The following MOV10 variants were observed in gnomAD, a reference collection of about 807,000 sequenced individuals.
MOV10 encodes the protein RNA helicase MOV-10.
MOV10 carries 39 observed loss-of-function variants against 108.4 expected under a neutral mutation model. That is an observed-to-expected ratio of 0.36 (90% CI 0.28 to 0.47). The LOEUF is 0.47. MOV10 is among the 20% of genes least tolerant of loss of function. The probability of loss-of-function intolerance (pLI) is 1.00; values close to 1 mark genes in which losing one functional copy is unlikely to be tolerated. For missense variants in MOV10, 952 were observed against 1,297.6 expected (o/e 0.73, Z 4.09); for synonymous variants, 490 against 523.1 (o/e 0.94, Z 0.86).
In MOV10 at chr1:112,700,557, T is replaced by G. The variant is rs1674559882; in HGVS notation, c.*50T>G. ...ACCAGCCAAGCCTTAACTGCCTGCC[T>G]GACCCTGAACCAGAACCCAGCTGAA... is the stretch of plus-strand genomic sequence containing the variant. On this transcript the variant is annotated 3_prime_UTR_variant, in exon 21 of 21. Coordinates refer to ENST00000369645, the MANE Select transcript of MOV10 (RefSeq NM_001321324.2). 1 of 1,603,610 alleles carries G rather than the reference T, an allele frequency of 6.2e-7. No individual in the cohort carries two copies. The highest frequency in any genetic ancestry group is 8.5e-7 in the Non-Finnish European group (1 of 1,174,788).
chr1:112,683,462 G>C (rs182379782), intron 2 of MOV10, among the ~76,000 whole-genome samples: 139 of 152,286 alleles, frequency 9.1e-4, no homozygotes, highest in African/African-American at 3.0e-3. Context: ...ATGGAGTGCA[G>C]TGGCACAATT....
intron 3 of MOV10, 70 bp from the exon 4 acceptor site, chr1:112,689,345 C>T: frequency 6.8e-7 from 1 of 1,466,956 alleles, no homozygotes. Flanking sequence ...AAGCCTAAAG[C>T]TTTCCCCAGG....
At position 112,694,595 on chromosome 1, in the gene MOV10, G is replaced by A; in HGVS notation, c.1438G>A (p.Asp480Asn). The change falls in exon 9 of 21, where the codon GAC (aspartate) becomes AAC (asparagine). Residue 480 changes from aspartate (D) to asparagine (N), a missense_variant. Transcript: ENST00000369645. The surrounding 1 kb of genome is among the most constrained non-coding windows in gnomAD (Gnocchi z 4.1). ...WPMLFPVAPR[D>N]VPLLPSDVKL... ...CATGCTCTTTCCTGTGGCACCTCGG[G>A]ACGTCCCGCTGCTGCCCTCAGATGT... The A allele has an allele frequency of 1.2e-6, 2 of 1,611,206 alleles. No homozygotes were observed. The highest frequency in any genetic ancestry group is 1.7e-6 in the Non-Finnish European group (2 of 1,178,314).
At chr1:112,678,161 G>T (rs1355647157) in intron 2 of MOV10, among the ~76,000 whole-genome samples, 4 of 152,054 alleles carry the variant, frequency 2.6e-5, no homozygotes, top group Non-Finnish European at 5.9e-5. Flanking sequence ...TTCTCTCGGG[G>T]TTGTGAGAGA....
chr1:112,696,504 A>C lies in MOV10; in HGVS notation c.1951A>C (p.Met651Leu), dbSNP rs774806375. Residue 651 changes from methionine to leucine, a missense_variant, in exon 13 of 21, where the codon ATG becomes CTG. Physicochemically the swap from Met to Leu is conservative, Grantham distance 15. Transcript: ENST00000369645. ...CTTCATCGATGAGGCTGGCCACTGC[A>C]TGGAGCCTGAGAGTCTGGTAGCTAT... is the stretch of plus-strand genomic sequence containing the variant. ...HIFIDEAGHCMEPESLVAIAG... is the reference protein window; with the variant it reads ...HIFIDEAGHCLEPESLVAIAG... 2.5e-6 allele frequency: 4 copies of C among 1,614,004 alleles called. No homozygotes were observed. The highest frequency in any genetic ancestry group is 3.4e-6 in the Non-Finnish European group (4 of 1,179,980).
chr1:112,689,389 C>A (rs747148132), intron 3 of MOV10, 26 bp from the exon 4 acceptor site: 3 of 1,288,932 alleles, frequency 2.3e-6, no homozygotes, highest in East Asian at 2.3e-5. Context: ...CCACCCCAAC[C>A]CCCCCTTGAC....
At chr1:112,684,262 A>ATTTT (rs71084487) in intron 2 of MOV10, among the ~76,000 whole-genome samples, 19 of 93,804 alleles carry the variant, frequency 2.0e-4, no homozygotes, top group African/African-American at 4.7e-4. Context: ...AGTCCCTGGG[A>ATTTT]TTTTTTTTTT....
In MOV10 at chr1:112,676,041, T is replaced by C. The variant is rs146383099; in HGVS notation, c.137+992T>C. Among the ~76,000 whole-genome samples the C allele has an allele frequency of 6.2e-3, 938 of 152,286 alleles. 3 individuals carry two copies. Among genetic ancestry groups the C allele is most frequent in the Non-Finnish European group, 9.9e-3 (675 of 68,018 alleles). On this transcript the variant is annotated intron_variant, in intron 2 of 20. Transcript: ENST00000369645. ...GGGTGGGGGAAAAGGGTAGAGACTC[T>C]CCATATTGGTGAAATCGTGTCTGGA...
At position 112,691,801 on chromosome 1, in the gene MOV10, T is replaced by C; in HGVS notation, c.971+2T>C. On this transcript the variant is annotated splice_donor_variant, in intron 6 of 20. Coordinates refer to ENST00000369645, the MANE Select transcript of MOV10 (RefSeq NM_001321324.2). LOFTEE classifies it high-confidence loss of function. ...CCCTAAGGAGATCGCAGAGATCAAG[T>C]AAGTACCATCCCTCTGCACCCCGCA... 1 of 1,612,518 alleles carries C rather than the reference T, an allele frequency of 6.2e-7. No individual in the cohort carries two copies. Among genetic ancestry groups the C allele is most frequent in the East Asian group, 2.2e-5 (1 of 44,824 alleles).
chr1:112,687,938 C>T (rs1409310885), intron 2 of MOV10, among the ~76,000 whole-genome samples: 1 of 152,168 alleles, frequency 6.6e-6, no homozygotes, highest in Non-Finnish European at 1.5e-5. Context: ...GCGTACCTCT[C>T]ACATCTGCTT....
At chr1:112,688,694 C>T in intron 2 of MOV10, 2 of 1,417,672 alleles carry the variant, frequency 1.4e-6, no homozygotes, top group African/African-American at 1.4e-5. Flanking sequence ...ACGAACAATC[C>T]AGAACCCACT....
intron 2 of MOV10, chr1:112,688,660 G>C: frequency 7.4e-7 from 1 of 1,355,170 alleles, no homozygotes; most frequent in Non-Finnish European, 9.5e-7. Context: ...TCAGCAGCCT[G>C]TGATTGGGCT....
rs1008143916 is a variant in MOV10 at position 112,693,073 on chromosome 1, C to T, written c.1140+144C>T. The T allele has an allele frequency of 1.7e-5, 13 of 747,314 alleles. No individual in the cohort carries two copies. In the East Asian group the frequency reaches 3.5e-4, roughly 20 times the overall value. The allele number at this position is 747,314 out of a possible 1,614,324, so 46.3% of individuals were successfully genotyped here. Reference sequence around the variant, plus strand: ...GCTCCGCAAGAAGCAGGGTGGGCATCCTGTGCCCAAAGATGTGTTGGAGCA... The same window carrying T: ...GCTCCGCAAGAAGCAGGGTGGGCATTCTGTGCCCAAAGATGTGTTGGAGCA... On this transcript the variant is annotated intron_variant, in intron 7 of 20. Transcript: ENST00000369645.
chr1:112,696,163 G>A lies in MOV10; in HGVS notation c.1795G>A (p.Asp599Asn), dbSNP rs1349189245. The change falls in exon 12 of 21, where the codon GAC becomes AAC. Residue 599 changes from aspartate (D) to asparagine (N), a missense_variant. Coordinates refer to ENST00000369645, the MANE Select transcript of MOV10 (RefSeq NM_001321324.2). The stretch of plus-strand genomic sequence containing the variant: ...CAATCCACAGCCCTGCTGCAACTGG[G>A]ACGCAAAGAAGGGGGAGTATGTATT... ...PEDIKPCCNWDAKKGEYVFPA... is the reference protein window; with the variant it reads ...PEDIKPCCNWNAKKGEYVFPA... 1.2e-6 allele frequency: 2 copies of A among 1,613,172 alleles called. No homozygotes were observed. Among genetic ancestry groups the A allele is most frequent in the Admixed American group, 1.7e-5 (1 of 59,932 alleles).
At position 112,674,768 on chromosome 1, in the gene MOV10, A is replaced by C. The variant is rs1210635807; in HGVS notation, c.-66+39A>C. ...GGAGGAGGGAAGCCTGGTGGGGAGA[A>C]GGGAGCCCGCAGGATCAGGGGTCAG... On this transcript the variant is annotated intron_variant, in intron 1 of 20. Transcript: ENST00000369645. 4 of 744,984 alleles carry C rather than the reference A, an allele frequency of 5.4e-6. 1 individual carries two copies. In the African/African-American group the frequency reaches 7.5e-5, roughly 14 times the overall value. The allele number at this position is 744,984 out of a possible 1,614,324, so 46.1% of individuals were successfully genotyped here. A position where few individuals can be genotyped will look rare whatever the true frequency, so the allele number is the denominator to read the frequency against.
chr1:112,677,200 G>A (rs1161281434), intron 2 of MOV10, among the ~76,000 whole-genome samples: 1 of 152,126 alleles, frequency 6.6e-6, no homozygotes, highest in Non-Finnish European at 1.5e-5. Context: ...GAGACCCAGT[G>A]AAAGAAACTC....
At chr1:112,699,615 A>G in intron 17 of MOV10, 70 bp from the exon 18 acceptor site, 4 of 1,602,078 alleles carry the variant, frequency 2.5e-6, no homozygotes, top group Non-Finnish European at 3.4e-6. Flanking sequence ...CTTGGAAGGC[A>G]AGCTCCCTGG....
chr1:112,695,085 G>A (rs1673946066), intron 10 of MOV10, among the ~76,000 whole-genome samples, 189 bp downstream of exon 10: 1 of 152,124 alleles, frequency 6.6e-6, no homozygotes, highest in East Asian at 1.9e-4. Context: ...CTAGCCCAAG[G>A]AGTTCAAGAC....
At chr1:112,679,152 C>T (rs1279561642) in intron 2 of MOV10, among the ~76,000 whole-genome samples, 1 of 152,000 alleles carries the variant, frequency 6.6e-6, no homozygotes, top group Admixed American at 6.6e-5. Flanking sequence ...TTGGCCTTTC[C>T]TGAACTGGGT....
Sources: allele counts gnomAD v4.1 joint callset (sites outside exome capture counted in the v4.1 genomes callset), GRCh38; gene constraint gnomAD v4.1.1; non-coding constraint Gnocchi (gnomAD v3.1); transcripts MANE v1.5; gene names NCBI Gene and HGNC (gene_info 2026-07-23, HGNC 2026-07-21).